KCNMA1: variants seen among roughly 807,000 people sequenced by gnomAD.
The protein encoded by KCNMA1 is potassium calcium-activated channel subfamily M alpha 1, also known as Calcium-activated potassium channel subunit alpha-1.
In KCNMA1, 29 loss-of-function variants were observed where a neutral mutation model predicts 140.0. The observed-to-expected ratio is 0.21, with a 90% CI of 0.15 to 0.28. KCNMA1 has a LOEUF of 0.28. Among genes scored for constraint, KCNMA1 ranks in the 10% least tolerant of loss-of-function variants. The pLI is 1.00. For missense variants in KCNMA1, 880 were observed against 1,602.2 expected (o/e 0.55, Z 7.70); for synonymous variants, 612 against 611.9 (o/e 1.00, Z 0.00).
chr10:77,172,767 C>T (rs2098719638), intron 5 of KCNMA1, among the ~76,000 whole-genome samples: 3 of 151,848 alleles, frequency 2.0e-5, no homozygotes. Context: ...AACAAAATAC[C>T]TTAGACTGGG....
At chr10:76,933,343 G>C (rs2059733623) in intron 23 of KCNMA1, among the ~76,000 whole-genome samples, 1 of 152,188 alleles carries the variant, frequency 6.6e-6, no homozygotes, top group African/African-American at 2.4e-5. Context: ...CATTTAGAAA[G>C]ATTTCTGGCA....
chr10:77,325,125 C>A (rs1310803048), intron 2 of KCNMA1, among the ~76,000 whole-genome samples: 5 of 152,072 alleles, frequency 3.3e-5, no homozygotes, highest in African/African-American at 9.7e-5. Flanking sequence ...CACTGAGGAG[C>A]AAAGACAATA....
intron 3 of KCNMA1, among the ~76,000 whole-genome samples, chr10:77,208,761 G>A (rs2045024395): frequency 6.6e-6 from 1 of 152,064 alleles, no homozygotes. Context: ...AGTTTTTCAT[G>A]CACAGGCAAG....
intron 2 of KCNMA1, among the ~76,000 whole-genome samples, chr10:77,387,544 TC>T (rs1361210128): frequency 7.4e-6 from 1 of 135,408 alleles, no homozygotes; most frequent in Admixed American, 7.3e-5. Flanking sequence ...TCTTTTCTTT[TC>T]TTTTCTTTTC....
chr10:77,064,464 T>C (rs963291043), intron 14 of KCNMA1, among the ~76,000 whole-genome samples: 1 of 152,246 alleles, frequency 6.6e-6, no homozygotes, highest in South Asian at 2.1e-4. Context: ...TCTTCTAACA[T>C]GCTGTATGGG....
At chr10:77,540,317 G>T (rs1287067869) in intron 1 of KCNMA1, among the ~76,000 whole-genome samples, 1 of 152,220 alleles carries the variant, frequency 6.6e-6, no homozygotes, top group African/African-American at 2.4e-5. Context: ...AAGGCTAACA[G>T]TGATTGAGCA....
chr10:77,497,525 G>A (rs560955874), intron 1 of KCNMA1, among the ~76,000 whole-genome samples: 2 of 152,100 alleles, frequency 1.3e-5, no homozygotes, highest in Admixed American at 6.5e-5. Flanking sequence ...CAGAACCCCC[G>A]CAGACAGGCT....
chr10:77,370,153 T>C (rs1377870109), intron 2 of KCNMA1, among the ~76,000 whole-genome samples: 1 of 152,172 alleles, frequency 6.6e-6, no homozygotes, highest in Non-Finnish European at 1.5e-5. Context: ...ATAAAATAGA[T>C]ATAAAACCAA....
intron 12 of KCNMA1, among the ~76,000 whole-genome samples, chr10:77,082,097 T>A (rs2096593694): frequency 7.0e-6 from 1 of 142,324 alleles, no homozygotes; most frequent in Admixed American, 7.5e-5. Flanking sequence ...GGCGCGATCT[T>A]GGCTCACTGC....
chr10:77,479,363 T>C (rs572230883), intron 1 of KCNMA1, among the ~76,000 whole-genome samples: 2 of 152,224 alleles, frequency 1.3e-5, no homozygotes, highest in East Asian at 1.9e-4. Context: ...TAAAATCCAC[T>C]CAAACCACAG....
chr10:77,608,421 G>A (rs752911237), intron 1 of KCNMA1, among the ~76,000 whole-genome samples: 5 of 152,022 alleles, frequency 3.3e-5, no homozygotes, highest in Non-Finnish European at 5.9e-5. Flanking sequence ...CGATCCACCC[G>A]CCTTGACCTC....
At chr10:77,458,008 G>A (rs537924903) in intron 1 of KCNMA1, among the ~76,000 whole-genome samples, 12 of 152,306 alleles carry the variant, frequency 7.9e-5, no homozygotes, top group East Asian at 1.9e-4. Flanking sequence ...CAGATCAAAC[G>A]GCAGCCCGAG....
intron 3 of KCNMA1, among the ~76,000 whole-genome samples, chr10:77,215,669 A>G (rs2047507793): frequency 6.6e-6 from 1 of 152,108 alleles, no homozygotes; most frequent in Admixed American, 6.5e-5. Flanking sequence ...TCGAGATACC[A>G]TATCTTGATG....
At chr10:76,941,098 AGAAG>A (rs1565062458) in intron 23 of KCNMA1, among the ~76,000 whole-genome samples, 1 of 88,966 alleles carries the variant, frequency 1.1e-5, no homozygotes. Flanking sequence ...AAAGAAAGAA[AGAAG>A]GGAGGGAGGG....
At chr10:77,413,618 C>T (rs72807557) in intron 1 of KCNMA1, among the ~76,000 whole-genome samples, 13,688 of 152,084 alleles carry the variant, frequency 0.09, 985 homozygotes, top group East Asian at 0.3. Context: ...AATAGGGCAA[C>T]AGGGGACCCA....
intron 14 of KCNMA1, among the ~76,000 whole-genome samples, chr10:77,067,999 A>G (rs55980403): frequency 2.1e-4 from 32 of 152,328 alleles, no homozygotes; most frequent in African/African-American, 7.2e-4. Context: ...CACTAGCTAA[A>G]GTTTTCCCTT....
At chr10:77,256,947 A>T (rs2060898518) in intron 2 of KCNMA1, among the ~76,000 whole-genome samples, 1 of 152,164 alleles carries the variant, frequency 6.6e-6, no homozygotes, top group South Asian at 2.1e-4. Flanking sequence ...CTACAAAAAA[A>T]ACTTTAAAAA....
chr10:77,321,717 C>G (rs2082378374), intron 2 of KCNMA1, among the ~76,000 whole-genome samples: 1 of 152,004 alleles, frequency 6.6e-6, no homozygotes, highest in African/African-American at 2.4e-5. Context: ...TGGGGAAAGA[C>G]AACAGTCCTA....
intron 1 of KCNMA1, among the ~76,000 whole-genome samples, chr10:77,436,754 C>A (rs189700090): frequency 6.6e-6 from 1 of 152,190 alleles, no homozygotes; most frequent in Admixed American, 6.5e-5. Flanking sequence ...TAAAACATAC[C>A]CCTCTGGCAC....
Sources: gnomAD v4.1 joint callset for allele counts (sites outside exome capture counted in the v4.1 genomes callset) on GRCh38, gnomAD v4.1.1 for gene constraint, MANE v1.5 for transcripts, NCBI Gene and HGNC (gene_info 2026-07-23, HGNC 2026-07-21) for gene names.